The following METTL9 variants were observed in gnomAD, a reference collection of about 807,000 sequenced individuals.
METTL9 encodes methyltransferase 9, His-X-His N1(pi)-histidine.
In METTL9, 10 loss-of-function variants were observed where a neutral mutation model predicts 36.0. That is an observed-to-expected ratio of 0.28 (90% confidence interval 0.17 to 0.47). The LOEUF (loss-of-function observed/expected upper bound fraction) is 0.47, where lower values mean the gene tolerates loss of function less well. Ranked by LOEUF, METTL9 falls within the 20% of genes least tolerant of loss-of-function variation. The pLI is 0.99. For missense variants in METTL9, 246 were observed against 383.5 expected (o/e 0.64, Z 3.00); for synonymous variants, 175 against 149.7 (o/e 1.17, Z -1.23).
intron 1 of METTL9, among the ~76,000 whole-genome samples, chr16:21,607,037 G>C (rs1965308879): frequency 6.6e-6 from 1 of 151,696 alleles, no homozygotes; most frequent in Non-Finnish European, 1.5e-5. Context: ...ATCAACCAAG[G>C]TTATATATAA....
intron 4 of METTL9, among the ~76,000 whole-genome samples, chr16:21,648,833 A>C (rs1177459032): frequency 6.6e-6 from 1 of 152,228 alleles, no homozygotes; most frequent in Non-Finnish European, 1.5e-5. Flanking sequence ...AATGAAACTG[A>C]AAAGTCATCC....
Position 21,625,106 on chromosome 16 carries a change from G to A in METTL9, c.742G>A (p.Val248Met). ...CCTTGTCCTCCCCTTTCATCCCTAT[G>A]TGGAAAACGGTAAGTGTGGTCAGTC... Reference protein sequence around the residue: ...LALVLPFHPYVENVGGKWEKP... With the variant: ...LALVLPFHPYMENVGGKWEKP... The change falls in exon 4 of 5, where the codon GTG becomes ATG. Residue 248 changes from valine (V) to methionine (M), a missense_variant. By Grantham distance (21) the Val-to-Met change is conservative. Around this residue, in one of 2 missense-constraint regions of METTL9, gnomAD observed 146 missense variants for 302.1 expected, o/e 0.48. Coordinates refer to ENST00000358154, the MANE Select transcript of METTL9 (RefSeq NM_016025.5). 6.2e-7 allele frequency: 1 copy of A among 1,614,106 alleles called. No individual in the cohort carries two copies. Among genetic ancestry groups the A allele is most frequent in the Non-Finnish European group, 8.5e-7 (1 of 1,179,972 alleles).
chr16:21,655,141 C>T, intron 4 of METTL9, 86 bp from the exon 5 acceptor site: 1 of 1,221,192 alleles, frequency 8.2e-7, no homozygotes, highest in Non-Finnish European at 1.2e-6. Context: ...CGTACCAAGT[C>T]CTTGGTAGAT....
upstream of METTL9, among the ~76,000 whole-genome samples, chr16:21,599,048 G>C (rs908710467): frequency 6.6e-6 from 1 of 152,132 alleles, no homozygotes; most frequent in African/African-American, 2.4e-5. The surrounding 1 kb of genome is among the most constrained non-coding windows in gnomAD (Gnocchi z 4.4). Context: ...ACGCATCCGA[G>C]CGGGCAACCA....
At chr16:21,647,556 T>G in intron 4 of METTL9, 1 of 1,536,488 alleles carries the variant, frequency 6.5e-7, no homozygotes, top group South Asian at 1.3e-5. Context: ...TTTTATTATA[T>G]TTTTGAGGTA....
At chr16:21,603,889 C>G (rs1437613478) in intron 1 of METTL9, among the ~76,000 whole-genome samples, 1 of 152,112 alleles carries the variant, frequency 6.6e-6, no homozygotes, top group Non-Finnish European at 1.5e-5. Flanking sequence ...TATTTTTTCA[C>G]TTTCTTATAT....
Position 21,657,085 on chromosome 16 carries a change from A to G in METTL9, c.*1653A>G, listed in dbSNP as rs1051389909. 6.6e-6 allele frequency: 1 copy of G among 152,048 alleles called. No homozygotes were observed. The highest frequency in any genetic ancestry group is 1.5e-5 in the Non-Finnish European group (1 of 68,004). The allele number at this position is 152,048 out of a possible 1,614,324, so 9.4% of individuals were successfully genotyped here. On this transcript the variant is annotated 3_prime_UTR_variant, in exon 5 of 5. Coordinates refer to ENST00000358154, the MANE Select transcript of METTL9 (RefSeq NM_016025.5). ...GCTGTTAGACTGTCAAGCAGAAGTGATGGATGTTCAAGGAGGCAGGTTGCC... is the reference window on the plus strand; with the variant it reads ...GCTGTTAGACTGTCAAGCAGAAGTGGTGGATGTTCAAGGAGGCAGGTTGCC...
chr16:21,612,674 C>T lies in METTL9; in HGVS notation c.195C>T (p.Cys65=), dbSNP rs1447249787. The change falls in exon 2 of 5, where the codon TGC becomes TGT. Residue 65 remains cysteine, a synonymous_variant. Coordinates refer to ENST00000358154, the MANE Select transcript of METTL9 (RefSeq NM_016025.5). Reference sequence around the variant, plus strand: ...ATGTGTGCAACAGAGAGAAATTATGCGAATCACTCCAGGCTGTCTTTGTTC... The same window carrying T: ...ATGTGTGCAACAGAGAGAAATTATGTGAATCACTCCAGGCTGTCTTTGTTC... ...QWYVCNREKL[C]ESLQAVFVQS... is the part of the protein sequence containing the mutation. 4.5e-6 allele frequency: 7 copies of T among 1,555,180 alleles called. No homozygotes were observed. The highest frequency in any genetic ancestry group is 5.2e-6 in the Non-Finnish European group (6 of 1,157,808).
Position 21,629,242 on chromosome 16 carries a change from C to G in METTL9, c.751+4127C>G, listed in dbSNP as rs536050842. 2.3e-3 allele frequency among the ~76,000 whole-genome samples: 357 copies of G among 152,112 alleles called. 2 individuals carry two copies. The highest frequency in any genetic ancestry group is 4.0e-3 in the Non-Finnish European group (273 of 67,988). ...CCAGATATATATTTTGAGGCCCCCA[C>G]CCCCCATCGTGATGGTATTAGGAAG... On this transcript the variant is annotated intron_variant, in intron 4 of 4. Transcript: ENST00000358154.
chr16:21,644,540 A>G (rs547834724), intron 4 of METTL9: 1 of 601,080 alleles, frequency 1.7e-6, no homozygotes, highest in East Asian at 2.8e-5. Flanking sequence ...CTAGACCTCA[A>G]AAGGTACTCA....
intron 3 of METTL9, among the ~76,000 whole-genome samples, chr16:21,623,510 C>T (rs1965752231): frequency 6.6e-6 from 1 of 152,106 alleles, no homozygotes; most frequent in Admixed American, 6.6e-5. Flanking sequence ...ACATATCTCA[C>T]CTACCACATT....
chr16:21,629,984 C>G (rs774848566), intron 4 of METTL9, among the ~76,000 whole-genome samples: 49 of 152,270 alleles, frequency 3.2e-4, no homozygotes, highest in East Asian at 1.9e-4. Flanking sequence ...ATTAGCTAGA[C>G]ACAGAACGCT....
At chr16:21,609,699 AG>A (rs945955140) in intron 1 of METTL9, among the ~76,000 whole-genome samples, 3 of 151,978 alleles carry the variant, frequency 2.0e-5, no homozygotes, top group African/African-American at 7.2e-5. Flanking sequence ...TGATGGAGTG[AG>A]GGTCCAGGGG....
chr16:21,607,457 A>G (rs1165919945), intron 1 of METTL9, among the ~76,000 whole-genome samples: 1 of 152,218 alleles, frequency 6.6e-6, no homozygotes, highest in Non-Finnish European at 1.5e-5. Context: ...AACGCGTGGC[A>G]GCCACCTGAT....
intron 1 of METTL9, among the ~76,000 whole-genome samples, chr16:21,605,672 G>A (rs934002684): frequency 6.6e-6 from 1 of 152,176 alleles, no homozygotes; most frequent in African/African-American, 2.4e-5. Context: ...ATGAGAATAA[G>A]ACAGCTGCTT....
At chr16:21,616,278 G>T (rs1302309941) in intron 2 of METTL9, among the ~76,000 whole-genome samples, 1 of 152,180 alleles carries the variant, frequency 6.6e-6, no homozygotes, top group African/African-American at 2.4e-5. Flanking sequence ...AACTGCTTCA[G>T]GCTGCAGAGA....
chr16:21,655,666 A>G lies in METTL9; in HGVS notation c.*234A>G. ...TTTTATCAACTCTTTACTCAGAGCC[A>G]CTCTCCAATGCAGGTCACACTCCAA... On this transcript the variant is annotated 3_prime_UTR_variant, in exon 5 of 5. Coordinates refer to ENST00000358154, the MANE Select transcript of METTL9 (RefSeq NM_016025.5). 1.4e-5 allele frequency: 7 copies of G among 483,674 alleles called. No homozygotes were observed. Among genetic ancestry groups the G allele is most frequent in the Non-Finnish European group, 2.6e-5 (7 of 273,434 alleles). The allele number at this position is 483,674 out of a possible 1,614,324, so 30.0% of individuals were successfully genotyped here. A position where few individuals can be genotyped will look rare whatever the true frequency, so the allele number is the denominator to read the frequency against.
chr16:21,644,533 G>C (rs529785606), intron 4 of METTL9: 1 of 610,930 alleles, frequency 1.6e-6, no homozygotes, highest in South Asian at 2.0e-5. Context: ...ATAAAAACTA[G>C]ACCTCAAAAG....
chr16:21,618,935 G>C (rs899765320), intron 3 of METTL9, among the ~76,000 whole-genome samples: 2 of 151,954 alleles, frequency 1.3e-5, no homozygotes, highest in African/African-American at 4.8e-5. Context: ...GGCTGGTCTC[G>C]AACTCCTGAC....
Sources: gnomAD v4.1 joint callset for allele counts (sites outside exome capture counted in the v4.1 genomes callset) on GRCh38, gnomAD v4.1.1 for gene constraint, gnomAD v4.1.1 regional missense constraint, Gnocchi (gnomAD v3.1) non-coding constraint, MANE v1.5 for transcripts, NCBI Gene and HGNC (gene_info 2026-07-23, HGNC 2026-07-21) for gene names.